The following SLC14A2 variants were observed in gnomAD, a reference collection of about 807,000 sequenced individuals.
SLC14A2 encodes the protein solute carrier family 14 member 2, also known as urea transporter 2.
A neutral mutation model predicts 104.6 loss-of-function variants in SLC14A2; 91 were observed. That is an observed-to-expected ratio of 0.87 (90% CI 0.73 to 1.04). The LOEUF (loss-of-function observed/expected upper bound fraction) is 1.04, where lower values mean the gene tolerates loss of function less well. Among genes scored for constraint, SLC14A2 ranks in the 50% least tolerant of loss-of-function variants. The pLI is 0.00. For missense variants in SLC14A2, 1,189 were observed against 1,156.0 expected, an observed-to-expected ratio of 1.03 and a Z score of -0.41; for synonymous variants, 476 against 466.4, an observed-to-expected ratio of 1.02 and a Z score of -0.27.
At chr18:45,477,555 C>T (rs2087406474) in intron 1 of SLC14A2, among the ~76,000 whole-genome samples, 1 of 152,186 alleles carries the variant, frequency 6.6e-6, no homozygotes, top group African/African-American at 2.4e-5. Flanking sequence ...CAGGCAGGAA[C>T]ATTTAAGTCT....
At chr18:45,515,263 A>C (rs1021899744) in intron 2 of SLC14A2, among the ~76,000 whole-genome samples, 1 of 152,250 alleles carries the variant, frequency 6.6e-6, no homozygotes, top group Non-Finnish European at 1.5e-5. Flanking sequence ...CTGCTTTGTC[A>C]TATTGACTGT....
intron 2 of SLC14A2, among the ~76,000 whole-genome samples, chr18:45,564,690 C>T (rs1190808034): frequency 6.6e-6 from 1 of 152,178 alleles, no homozygotes. Context: ...AAATATCTCA[C>T]TTTTGCCAGC....
upstream of SLC14A2, among the ~76,000 whole-genome samples, chr18:45,209,879 T>G (rs2083947861): frequency 6.6e-6 from 1 of 152,326 alleles, no homozygotes; most frequent in South Asian, 2.1e-4. Context: ...TCCTCTAATA[T>G]CTCAGGAAAT....
chr18:45,338,500 C>T (rs1480361740), intron 1 of SLC14A2, among the ~76,000 whole-genome samples: 1 of 151,902 alleles, frequency 6.6e-6, no homozygotes, highest in East Asian at 1.9e-4. Flanking sequence ...TGTGCCCGGC[C>T]AAGTTATCCC....
intron 2 of SLC14A2, among the ~76,000 whole-genome samples, chr18:45,596,834 G>C (rs1194093404): frequency 6.6e-6 from 1 of 152,090 alleles, no homozygotes; most frequent in East Asian, 1.9e-4. Flanking sequence ...TGATCAACTG[G>C]GGACTGTGGC....
In SLC14A2 at chr18:45,552,004, T is replaced by G. The variant is rs997502661; in HGVS notation, c.-35+68682T>G. Among the ~76,000 whole-genome samples, 3 of 152,218 alleles carry G rather than the reference T, an allele frequency of 2.0e-5. No individual in the cohort carries two copies. The East Asian group carries it at 5.8e-4, about 29-fold the overall frequency. On this transcript the variant is annotated intron_variant, in intron 2 of 20. Transcript: ENST00000586448. ...TTTTCATAATAGAATCACTTAGATT[T>G]TGAGATTTTCTTAACAAACCCTTCT...
At chr18:45,560,447 C>T (rs184511465) in intron 2 of SLC14A2, among the ~76,000 whole-genome samples, 6 of 152,180 alleles carry the variant, frequency 3.9e-5, no homozygotes, top group African/African-American at 1.2e-4. Context: ...CCCTTTTTGG[C>T]CCTCCTTCTC....
At chr18:45,337,149 C>G (rs1037417496) in intron 1 of SLC14A2, among the ~76,000 whole-genome samples, 2 of 151,970 alleles carry the variant, frequency 1.3e-5, no homozygotes, top group African/African-American at 2.4e-5. Flanking sequence ...GAGACTTTGG[C>G]TATGAGGAGT....
At position 45,654,278 on chromosome 18, in the gene SLC14A2, CAG is replaced by C. The variant is rs200800336; in HGVS notation, c.1352-9504_1352-9503del. Among the ~76,000 whole-genome samples, 615 of 152,208 alleles carry C rather than the reference CAG, an allele frequency of 4.0e-3. 5 individuals are homozygous for C. Among genetic ancestry groups the C allele is most frequent in the Middle Eastern group, 0.034 (10 of 294 alleles). ...GCTAGTGAATTTATAGCAAGTCAGA[CAG>C]AGGATGAGCTGGAGGGCTCAGGGAG... On this transcript the variant is annotated intron_variant, in intron 10 of 19. Coordinates refer to ENST00000255226, the MANE Select transcript of SLC14A2 (RefSeq NM_007163.4).
chr18:45,566,064 CTT>C (rs2044262496), intron 2 of SLC14A2, among the ~76,000 whole-genome samples: 1 of 152,216 alleles, frequency 6.6e-6, no homozygotes, highest in African/African-American at 2.4e-5. Flanking sequence ...GAAGTAAAAA[CTT>C]TGGTTGGTTT....
At chr18:45,566,195 TATA>T (rs138465207) in intron 2 of SLC14A2, among the ~76,000 whole-genome samples, 3,703 of 152,300 alleles carry the variant, frequency 0.024, 164 homozygotes, top group African/African-American at 0.083. Context: ...CTCCCAACTC[TATA>T]ATGTCAGTGC....
At chr18:45,319,759 G>A (rs1240056951) in intron 1 of SLC14A2, among the ~76,000 whole-genome samples, 1 of 152,204 alleles carries the variant, frequency 6.6e-6, no homozygotes, top group Non-Finnish European at 1.5e-5. Context: ...CCAACATCAT[G>A]AAACTGTGCT....
intron 1 of SLC14A2, among the ~76,000 whole-genome samples, chr18:45,296,193 G>A (rs2084916596): frequency 6.6e-6 from 1 of 152,134 alleles, no homozygotes; most frequent in Non-Finnish European, 1.5e-5. Context: ...GGGCTCTGGG[G>A]AAACAAAGGT....
chr18:45,591,328 T>C (rs181841197), intron 2 of SLC14A2, among the ~76,000 whole-genome samples: 13 of 149,668 alleles, frequency 8.7e-5, no homozygotes, highest in Middle Eastern at 3.4e-3. Flanking sequence ...GAGATAACAA[T>C]ATTTCTTGTT....
intron 1 of SLC14A2, among the ~76,000 whole-genome samples, chr18:45,448,553 T>C (rs1457835524): frequency 6.6e-6 from 1 of 152,186 alleles, no homozygotes; most frequent in Non-Finnish European, 1.5e-5. Context: ...CCACTCCACA[T>C]GCAGAATTTT....
chr18:45,327,750 G>T (rs888828378), intron 1 of SLC14A2, among the ~76,000 whole-genome samples: 1 of 152,186 alleles, frequency 6.6e-6, no homozygotes, highest in African/African-American at 2.4e-5. Flanking sequence ...TTTTGTTTAT[G>T]TATGTATCCA....
At chr18:45,585,883 C>A (rs990507981) in intron 2 of SLC14A2, among the ~76,000 whole-genome samples, 6 of 152,192 alleles carry the variant, frequency 3.9e-5, no homozygotes. Flanking sequence ...ACTGGTTACA[C>A]CCTATCTCGC....
At chr18:45,595,208 G>A (rs1279385045) in intron 2 of SLC14A2, among the ~76,000 whole-genome samples, 3 of 149,180 alleles carry the variant, frequency 2.0e-5, no homozygotes, top group Non-Finnish European at 4.5e-5. Flanking sequence ...ACATGTTAGA[G>A]TACTAAGCTT....
chr18:45,352,344 G>A (rs1160387445), intron 1 of SLC14A2, among the ~76,000 whole-genome samples: 4 of 152,038 alleles, frequency 2.6e-5, no homozygotes, highest in Non-Finnish European at 4.4e-5. Context: ...CCATCCAGAG[G>A]GCAAGTTTTC....
Sources: allele counts gnomAD v4.1 joint callset (sites outside exome capture counted in the v4.1 genomes callset), GRCh38; gene constraint gnomAD v4.1.1; transcripts MANE v1.5; gene names NCBI Gene and HGNC (gene_info 2026-07-23, HGNC 2026-07-21).